Variants in ZNF331 observed in about 807,000 individuals in gnomAD.
The protein encoded by ZNF331 is C2H2-like zinc finger protein rearranged in thyroid adenomas.
Under a neutral mutation model 7.0 loss-of-function variants are expected in ZNF331, and 2 were observed. The ratio of observed to expected loss-of-function variants is 0.29; its 90% CI spans 0.12 to 0.90. The LOEUF is 0.90. Among genes scored for constraint, ZNF331 ranks in the 40% least tolerant of loss-of-function variants. ZNF331 has a pLI of 0.58. For missense variants in ZNF331, 432 were observed against 587.7 expected (o/e 0.74, Z 2.74); for synonymous variants, 196 against 205.4 (o/e 0.95, Z 0.39).
chr19:53,556,864 G>A (rs982769084), intron 3 of ZNF331, among the ~76,000 whole-genome samples: 2 of 151,624 alleles, frequency 1.3e-5, no homozygotes, highest in African/African-American at 4.9e-5. Flanking sequence ...GGAGTGCAGT[G>A]GCACAATCTT....
Position 53,577,780 on chromosome 19 carries a change from G to A in ZNF331, c.1220G>A (p.Gly407Glu), listed in dbSNP as rs1389101605. The change falls in exon 6 of 6, where the codon GGG (glycine) becomes GAG (glutamate). Residue 407 changes from glycine (G) to glutamate (E), a missense_variant. Gly to Glu is a moderately conservative substitution (Grantham distance 98). Around this residue, in one of 3 missense-constraint regions of ZNF331, gnomAD observed 312 missense variants for 448.6 expected, o/e 0.70. Transcript: ENST00000449416. The stretch of plus-strand genomic sequence containing the variant: ...GTGAAACATGAGAGAATTCATACCG[G>A]GGTGAAACCCTATGGGTGTACAGAA... ...SLVKHERIHT[G>E]VKPYGCTECG... 5 of 1,613,928 alleles carry A rather than the reference G, an allele frequency of 3.1e-6. No individual in the cohort carries two copies. Among genetic ancestry groups the A allele is most frequent in the Non-Finnish European group, 4.2e-6 (5 of 1,179,834 alleles).
chr19:53,558,954 T>C lies in ZNF331; in HGVS notation c.-74+3046T>C, dbSNP rs546610312. Among the ~76,000 whole-genome samples, 5 of 115,242 alleles carry C rather than the reference T, an allele frequency of 4.3e-5. No individual in the cohort carries two copies. The highest frequency in any genetic ancestry group is 2.7e-4 in the South Asian group (1 of 3,686). 75.6% of individuals were successfully genotyped at this position (115,242 alleles called of 152,430 possible). A position where few individuals can be genotyped will look rare whatever the true frequency, so the allele number is the denominator to read the frequency against. The stretch of plus-strand genomic sequence containing the variant: ...TACACACCATACACACATATACACA[T>C]ACCATATACACACCATACACACATA... On this transcript the variant is annotated intron_variant, in intron 3 of 5. Transcript: ENST00000449416. This position sits in a 1 kb window ranked among gnomAD's most constrained non-coding sequence, Gnocchi z 4.5.
upstream of ZNF331, among the ~76,000 whole-genome samples, chr19:53,535,995 G>A (rs2147285697): frequency 6.6e-6 from 1 of 152,014 alleles, no homozygotes; most frequent in East Asian, 1.9e-4. Flanking sequence ...GTAGAGACAG[G>A]GTTTCACCAT....
chr19:53,507,799 G>A, the ZNF331 span, among the ~76,000 whole-genome samples: 4 of 152,158 alleles, frequency 2.6e-5, no homozygotes, highest in Non-Finnish European at 5.9e-5. Flanking sequence ...AGGAGTTCAA[G>A]ACCAGCCTGG....
At position 53,580,003 on chromosome 19, in the gene ZNF331, C is replaced by T. The variant is rs377372860; in HGVS notation, c.*2051C>T. ...TGAAAATGTATTCAATGTCATTGCT[C>T]CTCAAGGAACTGTAGAGTAAAACCA... On this transcript the variant is annotated 3_prime_UTR_variant, in exon 6 of 6. Transcript: ENST00000449416. The T allele has an allele frequency of 9.5e-6, 2 of 209,680 alleles. No homozygotes were observed. The highest frequency in any genetic ancestry group is 3.7e-4 in the South Asian group (2 of 5,346). The allele number at this position is 209,680 out of a possible 1,614,324, so 13.0% of individuals were successfully genotyped here.
In ZNF331 at chr19:53,560,992, C is replaced by T. The variant is rs2089848613; in HGVS notation, c.-74+5084C>T. Among the ~76,000 whole-genome samples the T allele has an allele frequency of 6.6e-6, 1 of 152,102 alleles. No homozygotes were observed. The highest frequency in any genetic ancestry group is 1.5e-5 in the Non-Finnish European group (1 of 68,024). On this transcript the variant is annotated intron_variant, in intron 3 of 5. Transcript: ENST00000449416. This position sits in a 1 kb window ranked among gnomAD's most constrained non-coding sequence, Gnocchi z 4.3. ...TGGGCAAAGTGGCAAGATCCCACCT[C>T]TACAAAAATACAAAAGTTAGCCAGG...
intron 2 of ZNF331, among the ~76,000 whole-genome samples, chr19:53,531,294 G>A (rs2569563): frequency 0.25 from 37,824 of 151,972 alleles, 5,350 homozygotes; most frequent in African/African-American, 0.39. Context: ...AACTTATCCC[G>A]GTCATCCTTT....
rs753397804 is a variant in ZNF331, at chr19:53,577,697, C to T, written c.1137C>T (p.Gly379=). 5.0e-6 allele frequency: 8 copies of T among 1,613,056 alleles called. No individual in the cohort carries two copies. The East Asian group carries it at 6.7e-5, about 13-fold the overall frequency. Residue 379 remains glycine (G), a synonymous_variant, in exon 6 of 6, where the codon GGC becomes GGT. Coordinates refer to ENST00000449416, the MANE Select transcript of ZNF331 (RefSeq NM_001079906.2). ...CTCAGCACGAGAGAATCCACACAGGCGAAACCCCGTATAAATGTAAGGAGT... is the reference window on the plus strand; with the variant it reads ...CTCAGCACGAGAGAATCCACACAGGTGAAACCCCGTATAAATGTAAGGAGT... ...HLTQHERIHT[G]ETPYKCKECG... is the part of the protein sequence containing the mutation.
At position 53,580,086 on chromosome 19, in the gene ZNF331, A is replaced by G. The variant is rs1031872699; in HGVS notation, c.*2134A>G. ...TGATTAAATTTAAATCACAATAACAAGGCTGATTTCAGATGTCTCACCACA... is the reference window on the plus strand; with the variant it reads ...TGATTAAATTTAAATCACAATAACAGGGCTGATTTCAGATGTCTCACCACA... On this transcript the variant is annotated 3_prime_UTR_variant, in exon 6 of 6. Transcript: ENST00000449416. 9 of 209,264 alleles carry G rather than the reference A, an allele frequency of 4.3e-5. No homozygotes were observed. Among genetic ancestry groups the G allele is most frequent in the Non-Finnish European group, 5.7e-5 (6 of 104,378 alleles). The allele number at this position is 209,264 out of a possible 1,614,324, so 13.0% of individuals were successfully genotyped here.
At chr19:53,506,472 C>G in the ZNF331 span, among the ~76,000 whole-genome samples, 5 of 142,062 alleles carry the variant, frequency 3.5e-5, no homozygotes, top group Admixed American at 7.2e-5. Flanking sequence ...CTCTCTCTCT[C>G]TCTCTCTCTG....
the ZNF331 span, among the ~76,000 whole-genome samples, chr19:53,514,087 G>A: frequency 1.8e-3 from 271 of 152,140 alleles, 3 homozygotes; most frequent in East Asian, 0.033. Flanking sequence ...GCTCCCTCTT[G>A]AACACCTGAA....
chr19:53,557,373 A>G (rs556433859), intron 3 of ZNF331, among the ~76,000 whole-genome samples: 6 of 152,312 alleles, frequency 3.9e-5, no homozygotes, highest in South Asian at 4.1e-4. Context: ...CCCTCGTGCC[A>G]TGGCCACACA....
At chr19:53,525,697 C>G (rs188456627) in intron 2 of ZNF331, among the ~76,000 whole-genome samples, 1 of 152,142 alleles carries the variant, frequency 6.6e-6, no homozygotes, top group African/African-American at 2.4e-5. Flanking sequence ...TTTGATGGAG[C>G]TTTTAGGGTT....
chr19:53,568,079 T>C (rs1180674012), intron 3 of ZNF331, among the ~76,000 whole-genome samples: 1 of 151,820 alleles, frequency 6.6e-6, no homozygotes, highest in African/African-American at 2.4e-5. Flanking sequence ...TGAAACCCCA[T>C]CTCTACTAAA....
At chr19:53,570,255 CAAAAA>C (rs34199381) in intron 4 of ZNF331, among the ~76,000 whole-genome samples, 9 of 112,368 alleles carry the variant, frequency 8.0e-5, no homozygotes, top group Admixed American at 9.5e-5. Flanking sequence ...GACTCTGTCT[CAAAAA>C]AAAAAAAAAA....
At position 53,571,529 on chromosome 19, in the gene ZNF331, G is replaced by GGGTGGCCTCCTGTCTCCTTCATCT; in HGVS notation, c.10-72_10-49dup. ...GCTCACGGTGTTCACCCTACCCAGAGGGTGGCCTCCTGTCTCCTTCATCTG... is the reference window on the plus strand; with the variant it reads ...GCTCACGGTGTTCACCCTACCCAGAGGGTGGCCTCCTGTCTCCTTCATCTGGTGGCCTCCTGTCTCCTTCATCTG... On this transcript the variant is annotated intron_variant, in intron 4 of 5. Transcript: ENST00000449416. This position sits in a 1 kb window ranked among gnomAD's most constrained non-coding sequence, Gnocchi z 4.7. 6.3e-7 allele frequency: 1 copy of GGGTGGCCTCCTGTCTCCTTCATCT among 1,580,042 alleles called. No homozygotes were observed. The highest frequency in any genetic ancestry group is 8.6e-7 in the Non-Finnish European group (1 of 1,162,648).
the ZNF331 span, among the ~76,000 whole-genome samples, chr19:53,506,404 TCTCTCTC>T: frequency 8.9e-6 from 1 of 112,546 alleles, no homozygotes; most frequent in Non-Finnish European, 1.8e-5. Context: ...ATACACACTC[TCTCTCTC>T]CTCTCTCTCT....
chr19:53,510,632 T>C, the ZNF331 span, among the ~76,000 whole-genome samples: 1 of 152,270 alleles, frequency 6.6e-6, no homozygotes, highest in African/African-American at 2.4e-5. Flanking sequence ...TTTCGTTCTT[T>C]TTCAGAGTTT....
intron 5 of ZNF331, among the ~76,000 whole-genome samples, chr19:53,572,707 T>C (rs2090521838): frequency 6.6e-6 from 1 of 151,442 alleles, no homozygotes; most frequent in Non-Finnish European, 1.5e-5. Flanking sequence ...TGCTAAGCAC[T>C]GTGTGTGTAA....
Sources: gnomAD v4.1 joint callset for allele counts (sites outside exome capture counted in the v4.1 genomes callset) on GRCh38, gnomAD v4.1.1 for gene constraint, gnomAD v4.1.1 regional missense constraint, Gnocchi (gnomAD v3.1) non-coding constraint, MANE v1.5 for transcripts, NCBI Gene and HGNC (gene_info 2026-07-23, HGNC 2026-07-21) for gene names.